Variants in PRR5 observed in about 807,000 individuals in gnomAD.
PRR5 encodes proline-rich protein 5.
A neutral mutation model predicts 30.6 loss-of-function variants in PRR5; 25 were observed. The ratio of observed to expected loss-of-function variants is 0.82; its 90% confidence interval spans 0.60 to 1.14. PRR5 has a LOEUF of 1.14. Ranked by LOEUF, PRR5 falls within the 50% of genes most tolerant of loss-of-function variation. The pLI is 0.00. For missense variants in PRR5, 600 were observed against 547.1 expected, an observed-to-expected ratio of 1.10 and a Z score of -0.96; for synonymous variants, 286 against 247.1, an observed-to-expected ratio of 1.16 and a Z score of -1.48.
chr22:44,679,907 G>T, intron 1 of PRR5: 1 of 1,560,196 alleles, frequency 6.4e-7, no homozygotes, highest in Non-Finnish European at 8.7e-7. Flanking sequence ...CCGAAGGGTG[G>T]CTACGAGGGA....
intron 1 of PRR5, among the ~76,000 whole-genome samples, chr22:44,711,581 G>A (rs1025464342): frequency 1.7e-4 from 26 of 152,280 alleles, no homozygotes; most frequent in African/African-American, 6.0e-4. Context: ...GCAGATCACT[G>A]AGGACAGCAG....
In PRR5 at chr22:44,688,725, C is replaced by T. The variant is rs115804067; in HGVS notation, c.-11+11485C>T. Among the ~76,000 whole-genome samples, 1,196 of 152,232 alleles carry T rather than the reference C, an allele frequency of 7.9e-3. 11 individuals carry two copies. Among genetic ancestry groups the T allele is most frequent in the African/African-American group, 0.028 (1,159 of 41,546 alleles). On this transcript the variant is annotated intron_variant, in intron 1 of 8. Transcript: ENST00000006251. Reference sequence around the variant, plus strand: ...ATATGGCCAGGTGCAGTGTGGCTCACGCCTGTAATTCCAGCATTTTGGGAG... The same window carrying T: ...ATATGGCCAGGTGCAGTGTGGCTCATGCCTGTAATTCCAGCATTTTGGGAG...
At chr22:44,679,901 AG>A (rs1924114670) in intron 1 of PRR5, 1 of 1,565,726 alleles carries the variant, frequency 6.4e-7, no homozygotes, top group Admixed American at 1.9e-5. Flanking sequence ...ACTGTGCCGA[AG>A]GGTGGCTACG....
intron 1 of PRR5, among the ~76,000 whole-genome samples, chr22:44,708,158 C>T (rs1019003365): frequency 3.3e-5 from 5 of 152,222 alleles, no homozygotes; most frequent in South Asian, 2.1e-4. Flanking sequence ...CGAGAACACG[C>T]CACTGCACTC....
intron 1 of PRR5, among the ~76,000 whole-genome samples, chr22:44,695,946 T>TTTTTC (rs1436966898): frequency 6.8e-6 from 1 of 147,804 alleles, no homozygotes. Context: ...TTTTTTTTTT[T>TTTTTC]TTGATACAGA....
intron 1 of PRR5, among the ~76,000 whole-genome samples, chr22:44,711,963 C>T (rs1043638834): frequency 3.3e-5 from 5 of 152,084 alleles, no homozygotes; most frequent in African/African-American, 9.7e-5. Flanking sequence ...AGACTTCCCT[C>T]GGGATTTTCA....
At chr22:44,732,511 T>G in intron 6 of PRR5, 120 bp downstream of exon 6, 1 of 1,412,840 alleles carries the variant, frequency 7.1e-7, no homozygotes, top group Non-Finnish European at 9.4e-7. Context: ...AAGGGCCCGA[T>G]CAGAGGAGAA....
intron 2 of PRR5, among the ~76,000 whole-genome samples, chr22:44,720,134 T>G (rs986416936): frequency 2.6e-5 from 4 of 152,194 alleles, no homozygotes; most frequent in Non-Finnish European, 2.9e-5. Context: ...GGGGTTCCCC[T>G]TAGGGAGTGG....
intron 2 of PRR5, among the ~76,000 whole-genome samples, chr22:44,722,495 G>T (rs1172822890): frequency 6.6e-6 from 1 of 152,202 alleles, no homozygotes; most frequent in African/African-American, 2.4e-5. Context: ...CTGAGTGCCG[G>T]TTCCCTCAGC....
chr22:44,701,448 G>A (rs948856567), upstream of PRR5, among the ~76,000 whole-genome samples: 1 of 152,226 alleles, frequency 6.6e-6, no homozygotes, highest in African/African-American at 2.4e-5. Context: ...TCTACCTCAC[G>A]GAAGTAGTTC....
At chr22:44,711,019 C>T (rs2147060690) in intron 1 of PRR5, among the ~76,000 whole-genome samples, 1 of 152,182 alleles carries the variant, frequency 6.6e-6, no homozygotes, top group African/African-American at 2.4e-5. Flanking sequence ...GTTACCCAGC[C>T]CAGAAGTGTA....
upstream of PRR5, among the ~76,000 whole-genome samples, chr22:44,701,190 A>C (rs914762736): frequency 2.0e-5 from 3 of 152,040 alleles, no homozygotes; most frequent in Non-Finnish European, 4.4e-5. Flanking sequence ...CTTACATTTT[A>C]TATGGGGCCC....
At chr22:44,726,055 G>A (rs1366506382) in intron 3 of PRR5, among the ~76,000 whole-genome samples, 1 of 152,214 alleles carries the variant, frequency 6.6e-6, no homozygotes, top group Non-Finnish European at 1.5e-5. Context: ...TCTCATTGGA[G>A]CACAAGCCAG....
upstream of PRR5, among the ~76,000 whole-genome samples, chr22:44,698,410 A>AGCAGAG (rs1199321855): frequency 2.0e-5 from 3 of 150,604 alleles, no homozygotes; most frequent in Non-Finnish European, 1.5e-5. Context: ...ATGAGTCTGG[A>AGCAGAG]GTGGGGGCCA....
intron 3 of PRR5, 119 bp from the exon 4 acceptor site, chr22:44,726,458 T>A: frequency 6.9e-7 from 1 of 1,444,532 alleles, no homozygotes; most frequent in African/African-American, 1.4e-5. Context: ...CCTCAGTGAG[T>A]CTCCTCCCCC....
chr22:44,690,694 C>A (rs1053722541), intron 1 of PRR5, among the ~76,000 whole-genome samples: 1 of 152,182 alleles, frequency 6.6e-6, no homozygotes, highest in African/African-American at 2.4e-5. Context: ...TGCTCTGAAT[C>A]GCACTTTACT....
In PRR5 at chr22:44,702,555, G is replaced by T; in HGVS notation, c.81G>T (p.Ala27=). ...GCAAGAGAGAGCCGGCCGCCGCCGC[G>T]GACGAGCGGGGCACGCAGCAGCGCC... ...DLGKREPAAA[A]DERGTQQRRA... is the part of the protein sequence containing the mutation. Residue 27 remains alanine (A), a synonymous_variant, in exon 1 of 8, where the codon GCG becomes GCT. Coordinates refer to ENST00000336985, the MANE Select transcript of PRR5 (RefSeq NM_181333.4). 6.9e-7 allele frequency: 1 copy of T among 1,440,566 alleles called. No individual in the cohort carries two copies. Among genetic ancestry groups the T allele is most frequent in the Non-Finnish European group, 9.1e-7 (1 of 1,095,804 alleles). The allele number at this position is 1,440,566 out of a possible 1,614,324, so 89.2% of individuals were successfully genotyped here. A position where few individuals can be genotyped will look rare whatever the true frequency, so the allele number is the denominator to read the frequency against.
At chr22:44,690,027 G>A (rs967430924) in intron 1 of PRR5, among the ~76,000 whole-genome samples, 1 of 152,106 alleles carries the variant, frequency 6.6e-6, no homozygotes, top group African/African-American at 2.4e-5. Flanking sequence ...CAGAGGGAGG[G>A]GGCAGCACGG....
chr22:44,736,914 C>G lies in PRR5; in HGVS notation c.834C>G (p.Ile278Met). Residue 278 changes from isoleucine (I) to methionine (M), a missense_variant, in exon 8 of 8, where the codon ATC becomes ATG. Transcript: ENST00000336985. ...AEGAAAGGTS[I>M]RRHSVSEMTS... ...GCGCGGCGGCCGGCGGTACCAGCAT[C>G]CGCAGGCACTCTGTGTCGGAGATGA... The G allele has an allele frequency of 1.2e-6, 2 of 1,608,440 alleles. No individual in the cohort carries two copies. The highest frequency in any genetic ancestry group is 8.5e-7 in the Non-Finnish European group (1 of 1,178,722).
Sources: allele counts gnomAD v4.1 joint callset (sites outside exome capture counted in the v4.1 genomes callset), GRCh38; gene constraint gnomAD v4.1.1; transcripts MANE v1.5; gene names NCBI Gene and HGNC (gene_info 2026-07-23, HGNC 2026-07-21).